CHD6: variants seen among roughly 807,000 people sequenced by gnomAD.
CHD6 encodes chromodomain helicase DNA binding protein 6.
A neutral mutation model predicts 276.9 loss-of-function variants in CHD6; 50 were observed. That is an observed-to-expected ratio of 0.18 (90% CI 0.14 to 0.23). The LOEUF (loss-of-function observed/expected upper bound fraction) is 0.23. CHD6 is among the 10% of genes least tolerant of loss of function. The pLI, the probability that CHD6 is intolerant of heterozygous loss-of-function variation, is 1.00. For missense variants in CHD6, 2,564 were observed against 3,365.8 expected (o/e 0.76, Z 5.89); for synonymous variants, 1,173 against 1,229.3 (o/e 0.95, Z 0.96).
At chr20:41,573,725 G>A (rs895596643) in intron 1 of CHD6, among the ~76,000 whole-genome samples, 1 of 152,160 alleles carries the variant, frequency 6.6e-6, no homozygotes, top group Non-Finnish European at 1.5e-5. Context: ...AGAGCCATGC[G>A]AGTTAAGAGA....
At chr20:41,411,396 C>T (rs544621624) in intron 36 of CHD6, among the ~76,000 whole-genome samples, 2 of 151,772 alleles carry the variant, frequency 1.3e-5, no homozygotes, top group South Asian at 4.2e-4. Context: ...AGAAGGCATT[C>T]AGGAAAGCTT....
chr20:41,425,444 G>A (rs1278532270), intron 28 of CHD6, 50 bp from the exon 29 acceptor site: 1 of 1,503,632 alleles, frequency 6.7e-7, no homozygotes, highest in Non-Finnish European at 9.1e-7. Context: ...ACTAAAACAG[G>A]AGTGACTGTC....
rs890266650 is a variant in CHD6, at chr20:41,445,054, G to T, written c.3877+611C>A. On this transcript the variant is annotated intron_variant, in intron 25 of 36. Coordinates refer to ENST00000373233, the MANE Select transcript of CHD6 (RefSeq NM_032221.5). Reference sequence around the variant, plus strand: ...TTTAATGGCTGGCAGTTGGCTGAAAGCAAGGGCAGTTGTTTCAAACACTGC... The same window carrying T: ...TTTAATGGCTGGCAGTTGGCTGAAATCAAGGGCAGTTGTTTCAAACACTGC... Among the ~76,000 whole-genome samples, 8 of 152,320 alleles carry T rather than the reference G, an allele frequency of 5.3e-5. No homozygotes were observed. The East Asian group carries it at 1.2e-3, about 22-fold the overall frequency.
At chr20:41,543,392 T>A (rs1390979987) in intron 2 of CHD6, among the ~76,000 whole-genome samples, 5 of 152,110 alleles carry the variant, frequency 3.3e-5, no homozygotes, top group Non-Finnish European at 7.4e-5. Context: ...AACTTAGAAA[T>A]AAGAATCAGC....
intron 1 of CHD6, among the ~76,000 whole-genome samples, chr20:41,607,398 C>G (rs1312271907): frequency 1.3e-5 from 2 of 152,182 alleles, no homozygotes; most frequent in Non-Finnish European, 2.9e-5. Context: ...TCTTCTAACA[C>G]AAAGTGCATT....
In CHD6 at chr20:41,487,778, A is replaced by C; in HGVS notation, c.1888T>G (p.Leu630Val). The C allele has an allele frequency of 6.2e-7, 1 of 1,611,442 alleles. No individual in the cohort carries two copies. Among genetic ancestry groups the C allele is most frequent in the Non-Finnish European group, 8.5e-7 (1 of 1,179,302 alleles). The change falls in exon 14 of 37, where the codon TTG becomes GTG. Residue 630 changes from leucine to valine, a missense_variant. Transcript: ENST00000373233. The stretch of plus-strand genomic sequence containing the variant: ...AAGAGCTCCTCCACAGAGTTCTGCA[A>C]GGGTGTTCCAGTGAGAAGCACTTTA... ...EHKVLLTGTP[L>V]QNSVEELFSL...
At chr20:41,518,068 G>T (rs1391133525) in intron 3 of CHD6, among the ~76,000 whole-genome samples, 2 of 152,112 alleles carry the variant, frequency 1.3e-5, no homozygotes, top group African/African-American at 4.8e-5. Flanking sequence ...CTTAGAAAAA[G>T]GTTTCTTTGA....
chr20:41,487,596 G>C, intron 14 of CHD6, 69 bp downstream of exon 14: 1 of 1,457,518 alleles, frequency 6.9e-7, no homozygotes, highest in Non-Finnish European at 9.3e-7. Flanking sequence ...TGGCCCCATA[G>C]CATCCTGCTC....
At chr20:41,429,574 T>A (rs1358780661) in intron 27 of CHD6, among the ~76,000 whole-genome samples, 2 of 152,140 alleles carry the variant, frequency 1.3e-5, no homozygotes, top group Non-Finnish European at 2.9e-5. Context: ...ATAGAGGAAC[T>A]AGAGGTATTT....
chr20:41,470,406 C>T (rs2043027320), intron 17 of CHD6, among the ~76,000 whole-genome samples: 1 of 152,078 alleles, frequency 6.6e-6, no homozygotes, highest in African/African-American at 2.4e-5. Flanking sequence ...TTCTCTCTCA[C>T]ACAGTAACCT....
intron 23 of CHD6, among the ~76,000 whole-genome samples, chr20:41,450,465 T>G (rs532647173): frequency 6.6e-6 from 1 of 152,264 alleles, no homozygotes; most frequent in South Asian, 2.1e-4. Flanking sequence ...TCAGTTTTTT[T>G]TTTTTTTGCT....
At chr20:41,616,443 C>T (rs930566275) in intron 1 of CHD6, among the ~76,000 whole-genome samples, 2 of 151,988 alleles carry the variant, frequency 1.3e-5, no homozygotes, top group African/African-American at 4.8e-5. Flanking sequence ...TTTACTTCGC[C>T]CATGGCCAGA....
intron 1 of CHD6, among the ~76,000 whole-genome samples, chr20:41,607,778 A>AC (rs937367050): frequency 4.6e-5 from 7 of 151,630 alleles, no homozygotes; most frequent in African/African-American, 1.7e-4. Context: ...AAAAAAAAAA[A>AC]AAAACACCTC....
At chr20:41,540,242 G>T (rs1296270575) in intron 2 of CHD6, among the ~76,000 whole-genome samples, 1 of 152,128 alleles carries the variant, frequency 6.6e-6, no homozygotes, top group African/African-American at 2.4e-5. Context: ...AAGAGAAAAA[G>T]GGAGTCTATA....
At position 41,451,774 on chromosome 20, in the gene CHD6, G is replaced by C. The variant is rs116154525; in HGVS notation, c.3523+52C>G. 2,064 of 1,498,244 alleles carry C rather than the reference G, an allele frequency of 1.4e-3. 23 individuals are homozygous for C. The African/African-American group carries it at 0.025, about 18-fold the overall frequency. The allele number at this position is 1,498,244 out of a possible 1,614,324, so 92.8% of individuals were successfully genotyped here. A position where few individuals can be genotyped will look rare whatever the true frequency, so the allele number is the denominator to read the frequency against. ...AATACGGCCCCGCAGAGGAAGAGGG[G>C]ATGAAGTGCATGGGAATCGTGCTTC... is the stretch of plus-strand genomic sequence containing the variant. On this transcript the variant is annotated intron_variant, in intron 22 of 36. Coordinates refer to ENST00000373233, the MANE Select transcript of CHD6 (RefSeq NM_032221.5).
At chr20:41,484,713 G>T in intron 14 of CHD6, 106 bp from the exon 15 acceptor site, 1 of 1,164,230 alleles carries the variant, frequency 8.6e-7, no homozygotes, top group Non-Finnish European at 1.2e-6. Flanking sequence ...CCATAGTACT[G>T]TGGTAGTAGA....
intron 26 of CHD6, among the ~76,000 whole-genome samples, chr20:41,439,347 C>T (rs890845907): frequency 3.4e-5 from 5 of 146,560 alleles, no homozygotes; most frequent in African/African-American, 1.2e-4. Context: ...CAAAGCAAGA[C>T]TCTATCTCGG....
At chr20:41,446,982 C>CA (rs2048089801) in intron 24 of CHD6, among the ~76,000 whole-genome samples, 1 of 152,162 alleles carries the variant, frequency 6.6e-6, no homozygotes, top group African/African-American at 2.4e-5. Flanking sequence ...TTATACGACT[C>CA]AAATTGAACC....
intron 1 of CHD6, among the ~76,000 whole-genome samples, chr20:41,609,208 G>A (rs1328706202): frequency 5.9e-5 from 9 of 152,236 alleles, no homozygotes; most frequent in African/African-American, 1.9e-4. Flanking sequence ...AGCTACTCAG[G>A]AGGCTGAGGC....
Sources: gnomAD v4.1 joint callset for allele counts (sites outside exome capture counted in the v4.1 genomes callset) on GRCh38, gnomAD v4.1.1 for gene constraint, MANE v1.5 for transcripts, NCBI Gene and HGNC (gene_info 2026-07-23, HGNC 2026-07-21) for gene names.